Variants in MTTP observed in about 807,000 individuals in gnomAD.
The protein encoded by MTTP is microsomal triglyceride transfer protein, also known as microsomal triglyceride transfer protein large subunit.
A neutral mutation model predicts 90.6 loss-of-function variants in MTTP; 49 were observed. The ratio of observed to expected loss-of-function variants is 0.54; its 90% CI spans 0.43 to 0.69. The LOEUF (loss-of-function observed/expected upper bound fraction) is 0.69. Ranked by LOEUF, MTTP falls within the 30% of genes least tolerant of loss-of-function variation. The pLI is 0.00. For missense variants in MTTP, 945 were observed against 1,067.5 expected (o/e 0.89, Z 1.60); for synonymous variants, 347 against 384.2 (o/e 0.90, Z 1.13).
chr4:99,597,168 G>C lies in MTTP; in HGVS notation c.1011G>C (p.Arg337Ser). 1 of 1,613,932 alleles carries C rather than the reference G, an allele frequency of 6.2e-7. No individual in the cohort carries two copies. The highest frequency in any genetic ancestry group is 1.3e-5 in the African/African-American group (1 of 74,996). The change falls in exon 8 of 18, where the codon AGG becomes AGC. Residue 337 changes from arginine (R) to serine (S), a missense_variant. Physicochemically the swap from Arg to Ser is moderately radical, Grantham distance 110 (BLOSUM62 -1). Coordinates refer to ENST00000265517, the MANE Select transcript of MTTP (RefSeq NM_001386140.1). ...RNFLAFIQHL[R>S]TAKKEEILQI... ...TCCTGGCCTTCATTCAGCACCTCAG[G>C]ACTGCGAAGAAAGAAGAGATCCTTC...
intron 1 of MTTP, among the ~76,000 whole-genome samples, chr4:99,568,997 T>G (rs1229228160): frequency 6.6e-6 from 1 of 152,098 alleles, no homozygotes; most frequent in Non-Finnish European, 1.5e-5. Context: ...TCCATAAATG[T>G]GGGATGTACA....
At chr4:99,593,241 T>A (rs991176023) in intron 6 of MTTP, among the ~76,000 whole-genome samples, 1 of 152,186 alleles carries the variant, frequency 6.6e-6, no homozygotes, top group African/African-American at 2.4e-5. Flanking sequence ...TTAAATAAAA[T>A]TGTATTAAAA....
upstream of MTTP, among the ~76,000 whole-genome samples, chr4:99,572,809 A>G (rs1724868536): frequency 6.6e-6 from 1 of 152,118 alleles, no homozygotes; most frequent in African/African-American, 2.4e-5. Flanking sequence ...AGGCTTTGGC[A>G]TTCTTATGTC....
At chr4:99,614,667 T>C (rs1328580153) in intron 15 of MTTP, among the ~76,000 whole-genome samples, 1 of 152,188 alleles carries the variant, frequency 6.6e-6, no homozygotes, top group African/African-American at 2.4e-5. Flanking sequence ...ACCTTGTGAT[T>C]ATCAGATGGC....
chr4:99,594,755 A>G lies in MTTP; in HGVS notation c.781A>G (p.Thr261Ala). 1 of 1,614,022 alleles carries G rather than the reference A, an allele frequency of 6.2e-7. No homozygotes were observed. The highest frequency in any genetic ancestry group is 1.1e-5 in the South Asian group (1 of 91,090). The change falls in exon 7 of 18, where the codon ACC becomes GCC. Residue 261 changes from threonine (T) to alanine (A), a missense_variant. By Grantham distance (58) the Thr-to-Ala change is moderately conservative (BLOSUM62 0). Coordinates refer to ENST00000265517, the MANE Select transcript of MTTP (RefSeq NM_001386140.1). Reference sequence around the variant, plus strand: ...CAGGCAGAAATTAGAGCTGAAGACAACCGAAGCAGGCCCAAGATTGATGTC... The same window carrying G: ...CAGGCAGAAATTAGAGCTGAAGACAGCCGAAGCAGGCCCAAGATTGATGTC... Reference protein sequence around the residue: ...VSKQKLELKTTEAGPRLMSGK... With the variant: ...VSKQKLELKTAEAGPRLMSGK...
At chr4:99,606,677 A>G (rs1210557642) in intron 10 of MTTP, 71 bp from the exon 11 acceptor site, 2 of 1,513,484 alleles carry the variant, frequency 1.3e-6, no homozygotes, top group Non-Finnish European at 1.8e-6. Context: ...GGACCCAAGA[A>G]TAAAGCCAGT....
intron 14 of MTTP, among the ~76,000 whole-genome samples, chr4:99,612,707 A>G (rs943931656): frequency 3.3e-5 from 5 of 152,132 alleles, no homozygotes; most frequent in African/African-American, 1.2e-4. Flanking sequence ...TACTTCAAAG[A>G]GTGGTTGTGA....
chr4:99,589,222 A>T (rs890995720), intron 3 of MTTP, among the ~76,000 whole-genome samples: 1 of 150,250 alleles, frequency 6.7e-6, no homozygotes, highest in African/African-American at 2.5e-5. Context: ...AAAGGTAGTG[A>T]TTGCCATTTT....
At chr4:99,567,452 T>C (rs369251747) in intron 1 of MTTP, among the ~76,000 whole-genome samples, 16 of 152,090 alleles carry the variant, frequency 1.1e-4, no homozygotes, top group African/African-American at 3.9e-4. Flanking sequence ...ACCCTCAGAA[T>C]GGGAAGGCCC....
At chr4:99,585,755 C>T (rs1435996149) in intron 3 of MTTP, among the ~76,000 whole-genome samples, 1 of 152,086 alleles carries the variant, frequency 6.6e-6, no homozygotes, top group Non-Finnish European at 1.5e-5. Context: ...ATTTTAATAA[C>T]TGCAATGGGC....
chr4:99,589,389 A>G (rs934774710), intron 3 of MTTP, among the ~76,000 whole-genome samples: 2 of 152,042 alleles, frequency 1.3e-5, no homozygotes, highest in African/African-American at 4.8e-5. Context: ...CCCAGCCTAT[A>G]TCAGTGCTCT....
rs767487717 is a variant in MTTP, at chr4:99,597,195, A to G, written c.1038A>G (p.Gln346=). The part of the protein sequence containing the change: ...LRTAKKEEIL[Q]ILKMENKEVL... ...CTGCGAAGAAAGAAGAGATCCTTCA[A>G]ATACTAAAGATGGAAAATAAGGAAG... The change falls in exon 8 of 18, where the codon CAA becomes CAG. Residue 346 remains glutamine, a synonymous_variant. Transcript: ENST00000265517. 2.5e-6 allele frequency: 4 copies of G among 1,613,916 alleles called. No individual in the cohort carries two copies. Among genetic ancestry groups the G allele is most frequent in the Non-Finnish European group, 2.5e-6 (3 of 1,179,876 alleles).
At chr4:99,592,610 C>A (rs183767898) in intron 6 of MTTP, among the ~76,000 whole-genome samples, 80 of 151,942 alleles carry the variant, frequency 5.3e-4, no homozygotes, top group Non-Finnish European at 6.6e-4. Flanking sequence ...AGGTCAGGAT[C>A]ATCAATATCA....
intron 3 of MTTP, among the ~76,000 whole-genome samples, chr4:99,587,072 C>G (rs1353118772): frequency 6.6e-6 from 1 of 152,188 alleles, no homozygotes; most frequent in African/African-American, 2.4e-5. Flanking sequence ...AAAACTTACT[C>G]AGTTCCTGTT....
upstream of MTTP, among the ~76,000 whole-genome samples, chr4:99,573,191 A>G (rs560254950): frequency 1.3e-5 from 2 of 152,164 alleles, no homozygotes; most frequent in Admixed American, 6.5e-5. Flanking sequence ...ACATAAGGAC[A>G]GCTCTCATAC....
chr4:99,583,048 A>G (rs1026242513), intron 2 of MTTP, among the ~76,000 whole-genome samples: 6 of 152,174 alleles, frequency 3.9e-5, no homozygotes, highest in Non-Finnish European at 8.8e-5. Context: ...AAGAAAGTGA[A>G]GTGATCAGGT....
At chr4:99,576,655 A>C (rs1376535397) in intron 1 of MTTP, among the ~76,000 whole-genome samples, 1 of 135,798 alleles carries the variant, frequency 7.4e-6, no homozygotes, top group Non-Finnish European at 1.5e-5. Flanking sequence ...AGATCCCGCC[A>C]CTGCACTCCA....
At chr4:99,610,710 CTGTTA>C (rs1725928737) in intron 12 of MTTP, among the ~76,000 whole-genome samples, 1 of 152,096 alleles carries the variant, frequency 6.6e-6, no homozygotes, top group Non-Finnish European at 1.5e-5. Flanking sequence ...TGGAAATGTA[CTGTTA>C]TATGTCATTA....
rs769205202 is a variant in MTTP, at chr4:99,594,717, C to G, written c.759-16C>G. 1.2e-6 allele frequency: 2 copies of G among 1,613,610 alleles called. No homozygotes were observed. The highest frequency in any genetic ancestry group is 1.7e-6 in the Non-Finnish European group (2 of 1,179,660). On this transcript the variant is annotated splice_polypyrimidine_tract_variant and intron_variant, in intron 6 of 17. Transcript: ENST00000265517. ...AGAATGATTATAATATAGCATTTCC[C>G]TTTGGTATTATGCAGGCAGAAATTA...
Sources: gnomAD v4.1 joint callset for allele counts (sites outside exome capture counted in the v4.1 genomes callset) on GRCh38, gnomAD v4.1.1 for gene constraint, MANE v1.5 for transcripts, NCBI Gene and HGNC (gene_info 2026-07-23, HGNC 2026-07-21) for gene names.